ARFIP2: variants seen among roughly 807,000 people sequenced by gnomAD.
ARFIP2 encodes the protein arfaptin-2.
In ARFIP2, 14 loss-of-function variants were observed where a neutral mutation model predicts 39.2. The observed-to-expected ratio is 0.36, with a 90% CI of 0.24 to 0.56. The LOEUF (loss-of-function observed/expected upper bound fraction) is 0.56, where lower values mean the gene tolerates loss of function less well. Among genes scored for constraint, ARFIP2 ranks in the 20% least tolerant of loss-of-function variants. The pLI is 0.85. For synonymous variants in ARFIP2, 167 were observed against 172.4 expected (o/e 0.97, Z 0.24); for missense variants, 305 against 422.5 (o/e 0.72, Z 2.44).
chr11:6,479,869 G>T (rs760604885), intron 3 of ARFIP2, 103 bp downstream of exon 3: 2 of 1,171,900 alleles, frequency 1.7e-6, no homozygotes, highest in Admixed American at 3.7e-5. Context: ...AAGTTCCCAA[G>T]ATCTCCAGAC....
In ARFIP2 at chr11:6,478,515, A is replaced by T; in HGVS notation, c.537+223T>A. The T allele has an allele frequency of 7.3e-7, 1 of 1,378,366 alleles. No homozygotes were observed. Among genetic ancestry groups the T allele is most frequent in the Middle Eastern group, 2.6e-4 (1 of 3,790 alleles). The allele number at this position is 1,378,366 out of a possible 1,614,324, so 85.4% of individuals were successfully genotyped here. ...ATTCTCCCCAGTGCAGAGAGGGGTT[A>T]TTTGTGAGGCACCTAGTGTGCCCCC... On this transcript the variant is annotated intron_variant, in intron 5 of 7. Transcript: ENST00000396777. The surrounding 1 kb of genome is among the most constrained non-coding windows in gnomAD (Gnocchi z 4.8).
rs1851130457 is a variant in ARFIP2, at chr11:6,476,900, G to C, written c.*213C>G. ...GGAAAAGATCTGGGAATGAAGCCCT[G>C]TGGCCAGGAAGATAGACAGGGCAGC... On this transcript the variant is annotated 3_prime_UTR_variant, in exon 8 of 8. Transcript: ENST00000396777. The C allele has an allele frequency of 1.9e-6, 1 of 526,912 alleles. No individual in the cohort carries two copies. The highest frequency in any genetic ancestry group is 3.1e-5 in the East Asian group (1 of 32,072). The allele number at this position is 526,912 out of a possible 1,614,324, so 32.6% of individuals were successfully genotyped here.
intron 3 of ARFIP2, chr11:6,479,573 A>G (rs973358007): frequency 3.4e-6 from 2 of 583,522 alleles, no homozygotes; most frequent in Non-Finnish European, 6.1e-6. Flanking sequence ...CATGATAACA[A>G]GAAACCTGGT....
intron 2 of ARFIP2, 75 bp from the exon 3 acceptor site, chr11:6,480,143 G>C: frequency 7.1e-7 from 1 of 1,399,362 alleles, no homozygotes; most frequent in South Asian, 1.2e-5. Context: ...GAACAAGTTT[G>C]GATTCAAGCA....
Position 6,476,985 on chromosome 11 carries a change from G to A in ARFIP2, c.*128C>T. 2 of 1,162,584 alleles carry A rather than the reference G, an allele frequency of 1.7e-6. No homozygotes were observed. The highest frequency in any genetic ancestry group is 2.4e-6 in the Non-Finnish European group (2 of 848,398). The allele number at this position is 1,162,584 out of a possible 1,614,324, so 72.0% of individuals were successfully genotyped here. On this transcript the variant is annotated 3_prime_UTR_variant, in exon 8 of 8. Transcript: ENST00000396777. ...GCAATGTGGGCAAAACTGGTGTCAG[G>A]CCCCAGCCAGAAAAAGGAGCCCAAG...
rs1851337147 is a variant in ARFIP2 at position 6,478,425 on chromosome 11, TG to T, written c.538-228del. The stretch of plus-strand genomic sequence containing the variant: ...GCATTCTTGGGTAAGTTCACAAGAC[TG>T]GAACAGTCTGAGAGCTAGTGTGGCA... On this transcript the variant is annotated intron_variant, in intron 5 of 7. Coordinates refer to ENST00000396777, the MANE Select transcript of ARFIP2 (RefSeq NM_001376558.2). This position sits in a 1 kb window ranked among gnomAD's most constrained non-coding sequence, Gnocchi z 4.8. 2.0e-5 allele frequency among the ~76,000 whole-genome samples: 3 copies of T among 152,070 alleles called. No homozygotes were observed. In the South Asian group the frequency reaches 6.2e-4, roughly 32 times the overall value.
intron 3 of ARFIP2, chr11:6,479,618 G>C (rs1851507334): frequency 5.4e-6 from 3 of 558,134 alleles, no homozygotes; most frequent in Admixed American, 3.4e-5. Flanking sequence ...GTGAGATTCA[G>C]GGCTGTTTGT....
In ARFIP2 at chr11:6,477,671, G is replaced by A. The variant is rs1851229813; in HGVS notation, c.870+47C>T. ...GGGAGGGTCTGAGGGGAAGGTTAGT[G>A]TTACAGATGGAAAGGTGGGCTAGGG... On this transcript the variant is annotated intron_variant, in intron 7 of 7. Coordinates refer to ENST00000396777, the MANE Select transcript of ARFIP2 (RefSeq NM_001376558.2). The surrounding 1 kb of genome is among the most constrained non-coding windows in gnomAD (Gnocchi z 4.8). 1 of 1,596,758 alleles carries A rather than the reference G, an allele frequency of 6.3e-7. No homozygotes were observed. Among genetic ancestry groups the A allele is most frequent in the Non-Finnish European group, 8.6e-7 (1 of 1,168,966 alleles).
At chr11:6,480,621 G>A in intron 1 of ARFIP2, 158 bp from the exon 2 acceptor site, 2 of 509,354 alleles carry the variant, frequency 3.9e-6, no homozygotes, top group South Asian at 2.7e-5. Context: ...CCTCCAAAAC[G>A]CACATTTGAA....
In ARFIP2 at chr11:6,478,821, C is replaced by A; in HGVS notation, c.454G>T (p.Ala152Ser). ...GTCTGCAGCAGGCTGTAGAGGTGGG[C>A]TGTCAGTGCCCGGCCCAGCTGCAGG... ...SVLQLGRALT[A>S]HLYSLLQTQH... The change falls in exon 5 of 8, where the codon GCC becomes TCC. Residue 152 changes from alanine to serine, a missense_variant. This residue lies in a region of ARFIP2 where 151 missense variants were observed against 203.1 expected (regional missense o/e 0.74). Coordinates refer to ENST00000396777, the MANE Select transcript of ARFIP2 (RefSeq NM_001376558.2). The surrounding 1 kb of genome is among the most constrained non-coding windows in gnomAD (Gnocchi z 4.8). The A allele has an allele frequency of 6.2e-7, 1 of 1,614,170 alleles. No homozygotes were observed. The highest frequency in any genetic ancestry group is 8.5e-7 in the Non-Finnish European group (1 of 1,180,014).
At position 6,477,226 on chromosome 11, in the gene ARFIP2, C is replaced by G; in HGVS notation, c.913G>C (p.Val305Leu). The G allele has an allele frequency of 6.2e-7, 1 of 1,613,660 alleles. No homozygotes were observed. The highest frequency in any genetic ancestry group is 8.5e-7 in the Non-Finnish European group (1 of 1,179,830). ...TGGTTCCCAGCAAAGTAGGCGGACA[C>G]AGCATTGTGGAAGAGCAGCAGCTGC... ...HKQLLLFHNA[V>L]SAYFAGNQKQ... is the part of the protein sequence containing the mutation. Residue 305 changes from valine to leucine, a missense_variant, in exon 8 of 8, where the codon GTG becomes CTG. By Grantham distance (32) the Val-to-Leu change is conservative (BLOSUM62 1). This residue lies in a region of ARFIP2 where 112 missense variants were observed against 118.2 expected (regional missense o/e 0.95). Coordinates refer to ENST00000396777, the MANE Select transcript of ARFIP2 (RefSeq NM_001376558.2). The surrounding 1 kb of genome is among the most constrained non-coding windows in gnomAD (Gnocchi z 4.8).
intron 1 of ARFIP2, chr11:6,480,836 G>T (rs773088559): frequency 1.7e-5 from 3 of 175,770 alleles, no homozygotes; most frequent in Middle Eastern, 2.4e-3. Flanking sequence ...ATGCTGAGGA[G>T]ATGAACCCTT....
chr11:6,478,885 A>T lies in ARFIP2; in HGVS notation c.390T>A (p.Ile130=). The T allele has an allele frequency of 6.2e-7, 1 of 1,614,026 alleles. No homozygotes were observed. Among genetic ancestry groups the T allele is most frequent in the East Asian group, 2.2e-5 (1 of 44,896 alleles). The part of the protein sequence containing the change: ...RTVDLELELQ[I]ELLRETKRKY... Reference sequence around the variant, plus strand: ...TGCGCTTCGTCTCACGCAGCAACTCAATCTGCAGCTCTAGCTCCAGGTCCA... The same window carrying T: ...TGCGCTTCGTCTCACGCAGCAACTCTATCTGCAGCTCTAGCTCCAGGTCCA... The change falls in exon 5 of 8, where the codon ATT becomes ATA. Residue 130 remains isoleucine (I), a synonymous_variant. Transcript: ENST00000396777. The surrounding 1 kb of genome is among the most constrained non-coding windows in gnomAD (Gnocchi z 4.8).
rs556332892 is a variant in ARFIP2, at chr11:6,478,722, G to A, written c.537+16C>T. 3.5e-5 allele frequency: 56 copies of A among 1,603,998 alleles called. No homozygotes were observed. Among genetic ancestry groups the A allele is most frequent in the Non-Finnish European group, 4.7e-5 (55 of 1,172,224 alleles). On this transcript the variant is annotated intron_variant, in intron 5 of 7. Coordinates refer to ENST00000396777, the MANE Select transcript of ARFIP2 (RefSeq NM_001376558.2). The surrounding 1 kb of genome is among the most constrained non-coding windows in gnomAD (Gnocchi z 4.8). Reference sequence around the variant, plus strand: ...CATGCCCAGTTCCCCCACCCTCTTTGGTCTGGGTGAGGCACCTGAAGCTCT... The same window carrying A: ...CATGCCCAGTTCCCCCACCCTCTTTAGTCTGGGTGAGGCACCTGAAGCTCT...
Position 6,477,609 on chromosome 11 carries a change from A to T in ARFIP2, c.870+109T>A. The T allele has an allele frequency of 7.8e-7, 1 of 1,276,410 alleles. No individual in the cohort carries two copies. The highest frequency in any genetic ancestry group is 1.1e-6 in the Non-Finnish European group (1 of 924,548). 79.1% of individuals were successfully genotyped at this position (1,276,410 alleles called of 1,614,324 possible). Reference sequence around the variant, plus strand: ...CAGGGGTTGAGGGGGTGAACACTCTACTCCCCAGCTAGGCTGCATTTCCTC... The same window carrying T: ...CAGGGGTTGAGGGGGTGAACACTCTTCTCCCCAGCTAGGCTGCATTTCCTC... On this transcript the variant is annotated intron_variant, in intron 7 of 7. Coordinates refer to ENST00000396777, the MANE Select transcript of ARFIP2 (RefSeq NM_001376558.2). This position sits in a 1 kb window ranked among gnomAD's most constrained non-coding sequence, Gnocchi z 4.8.
chr11:6,478,610 G>T lies in ARFIP2; in HGVS notation c.537+128C>A, dbSNP rs1851364714. The T allele has an allele frequency of 6.8e-7, 1 of 1,479,104 alleles. No individual in the cohort carries two copies. The highest frequency in any genetic ancestry group is 9.0e-7 in the Non-Finnish European group (1 of 1,113,766). The allele number at this position is 1,479,104 out of a possible 1,614,324, so 91.6% of individuals were successfully genotyped here. ...GCTGCCTCCACAGGTGAGTGCTGCT[G>T]GGGGTAGGGCTGGGCCCACCCTGAA... is the stretch of plus-strand genomic sequence containing the variant. On this transcript the variant is annotated intron_variant, in intron 5 of 7. Coordinates refer to ENST00000396777, the MANE Select transcript of ARFIP2 (RefSeq NM_001376558.2). The surrounding 1 kb of genome is among the most constrained non-coding windows in gnomAD (Gnocchi z 4.8).
intron 2 of ARFIP2, 61 bp downstream of exon 2, chr11:6,480,262 A>C (rs1295130910): frequency 2.0e-6 from 3 of 1,516,190 alleles, no homozygotes; most frequent in Non-Finnish European, 2.7e-6. Context: ...GAGGGTGAGA[A>C]CCTAGGATTT....
chr11:6,479,017 T>G lies in ARFIP2; in HGVS notation c.316-58A>C, dbSNP rs540595840. 3.1e-6 allele frequency: 5 copies of G among 1,590,988 alleles called. No homozygotes were observed. The African/African-American group carries it at 6.7e-5, about 21-fold the overall frequency. On this transcript the variant is annotated intron_variant, in intron 4 of 7. Coordinates refer to ENST00000396777, the MANE Select transcript of ARFIP2 (RefSeq NM_001376558.2). ...CCTAACAGCCTCCCCACACAACAGG[T>G]ATCTACCCCAGCACCCCCCAGGCTC... is the stretch of plus-strand genomic sequence containing the variant.
At chr11:6,479,664 C>T (rs2134304941) in intron 3 of ARFIP2, 1 of 531,490 alleles carries the variant, frequency 1.9e-6, no homozygotes, top group East Asian at 3.2e-5. Context: ...TTCTGAGAAG[C>T]TTCACAAAGT....
Sources: gnomAD v4.1 joint callset for allele counts (sites outside exome capture counted in the v4.1 genomes callset) on GRCh38, gnomAD v4.1.1 for gene constraint, gnomAD v4.1.1 regional missense constraint, Gnocchi (gnomAD v3.1) non-coding constraint, MANE v1.5 for transcripts, NCBI Gene and HGNC (gene_info 2026-07-23, HGNC 2026-07-21) for gene names.